CTNNA2: variants seen among roughly 807,000 people sequenced by gnomAD.
CTNNA2 encodes catenin alpha-2.
In CTNNA2, 42 loss-of-function variants were observed where a neutral mutation model predicts 101.0. The ratio of observed to expected loss-of-function variants is 0.42; its 90% CI spans 0.32 to 0.54. CTNNA2 has a LOEUF of 0.54. Ranked by LOEUF, CTNNA2 falls within the 20% of genes least tolerant of loss-of-function variation. CTNNA2 has a pLI of 0.14. For missense variants in CTNNA2, 871 were observed against 1,223.1 expected, an observed-to-expected ratio of 0.71 and a Z score of 4.29; for synonymous variants, 450 against 456.4, an observed-to-expected ratio of 0.99 and a Z score of 0.18.
rs2104243389 is a variant in CTNNA2, at chr2:79,233,904, C to T, written c.-406+35828C>T. Among the ~76,000 whole-genome samples, 2 of 150,980 alleles carry T rather than the reference C, an allele frequency of 1.3e-5. 1 individual carries two copies. On this transcript the variant is annotated intron_variant, in intron 2 of 21. Coordinates refer to the CTNNA2 transcript ENST00000466387. Reference sequence around the variant, plus strand: ...TTTTCTCTTTGCTTGGTAGATTATTCTCCGTTCCTTTACTTTGAGCCTGTG... The same window carrying T: ...TTTTCTCTTTGCTTGGTAGATTATTTTCCGTTCCTTTACTTTGAGCCTGTG...
chr2:80,047,468 A>C (rs962264507), intron 7 of CTNNA2, among the ~76,000 whole-genome samples: 2 of 152,164 alleles, frequency 1.3e-5, no homozygotes, highest in Admixed American at 6.5e-5. Context: ...TTCATCCCTT[A>C]TGATTCCTTA....
intron 1 of CTNNA2, among the ~76,000 whole-genome samples, chr2:79,518,788 C>G (rs1054289780): frequency 7.9e-5 from 12 of 152,166 alleles, no homozygotes; most frequent in Non-Finnish European, 1.3e-4. Context: ...TCAATTGTTT[C>G]CGGGAAAGGG....
chr2:79,993,137 TA>T (rs1213985894), intron 7 of CTNNA2, among the ~76,000 whole-genome samples: 1 of 152,246 alleles, frequency 6.6e-6, no homozygotes, highest in Non-Finnish European at 1.5e-5. Context: ...GGTTACTTCC[TA>T]ACTTCTACTT....
chr2:79,833,350 T>A (rs554179730), intron 3 of CTNNA2, among the ~76,000 whole-genome samples: 1 of 152,266 alleles, frequency 6.6e-6, no homozygotes, highest in South Asian at 2.1e-4. Context: ...AAGAACTCAA[T>A]GCCTTTTTTT....
intron 6 of CTNNA2, among the ~76,000 whole-genome samples, chr2:79,889,420 T>G (rs1441297516): frequency 6.6e-6 from 1 of 152,238 alleles, no homozygotes; most frequent in African/African-American, 2.4e-5. Flanking sequence ...TATGCACGTA[T>G]GATTAGCAGG....
intron 7 of CTNNA2, among the ~76,000 whole-genome samples, chr2:80,194,837 ATGTG>A (rs891686597): frequency 3.3e-5 from 5 of 150,656 alleles, no homozygotes; most frequent in Middle Eastern, 3.4e-3. Context: ...ACATTTATGT[ATGTG>A]TGTGTGTGTA....
chr2:79,872,214 C>G (rs1054498665), intron 5 of CTNNA2, among the ~76,000 whole-genome samples: 1 of 151,890 alleles, frequency 6.6e-6, no homozygotes, highest in African/African-American at 2.4e-5. Context: ...ATCACATACT[C>G]CAATATGAAT....
rs541018203 is a variant in CTNNA2, at chr2:79,504,967, T to A, written c.-134-87T>A. 6 of 152,276 alleles carry A rather than the reference T, an allele frequency of 3.9e-5. No homozygotes were observed. In the East Asian group the frequency reaches 1.2e-3, roughly 29 times the overall value. 9.4% of individuals were successfully genotyped at this position (152,276 alleles called of 1,614,324 possible). Reference sequence around the variant, plus strand: ...TTTCCAGCTGGTTTCTTAAGTTATATCCATAGGAGACACTGGGAGAAGACA... The same window carrying A: ...TTTCCAGCTGGTTTCTTAAGTTATAACCATAGGAGACACTGGGAGAAGACA... On this transcript the variant is annotated intron_variant, in intron 4 of 21. Coordinates refer to the CTNNA2 transcript ENST00000466387.
At chr2:79,410,210 A>G (rs1215990468) in intron 4 of CTNNA2, among the ~76,000 whole-genome samples, 1 of 145,784 alleles carries the variant, frequency 6.9e-6, no homozygotes, top group African/African-American at 2.6e-5. Context: ...GGCTGAGACA[A>G]TGGGGTTTTC....
chr2:80,350,751 C>T (rs986395304), intron 7 of CTNNA2, among the ~76,000 whole-genome samples: 16 of 152,134 alleles, frequency 1.1e-4, no homozygotes, highest in African/African-American at 3.9e-4. Context: ...ACTGCTTACC[C>T]ACCTCCAGTG....
intron 7 of CTNNA2, among the ~76,000 whole-genome samples, chr2:80,206,732 G>A (rs1442492464): frequency 1.3e-5 from 2 of 152,178 alleles, no homozygotes; most frequent in Non-Finnish European, 2.9e-5. Flanking sequence ...TTGAAAGTCT[G>A]TCACATTTGC....
chr2:80,063,910 C>T (rs750562963), intron 7 of CTNNA2, among the ~76,000 whole-genome samples: 1 of 152,134 alleles, frequency 6.6e-6, no homozygotes, highest in Non-Finnish European at 1.5e-5. Flanking sequence ...TCTGATGGCC[C>T]CCTGGGGATC....
At chr2:79,230,105 G>A (rs192172553) in intron 2 of CTNNA2, among the ~76,000 whole-genome samples, 77 of 152,290 alleles carry the variant, frequency 5.1e-4, no homozygotes, top group Non-Finnish European at 8.7e-4. Flanking sequence ...TTTTTCTAAG[G>A]AGAAATTTAA....
chr2:80,043,256 C>T lies in CTNNA2; in HGVS notation c.1056+133459C>T, dbSNP rs1224745352. On this transcript the variant is annotated intron_variant, in intron 7 of 18. Coordinates refer to ENST00000402739, the MANE Select transcript of CTNNA2 (RefSeq NM_001282597.3). Reference sequence around the variant, plus strand: ...TCTGTCACCCAGGCTGGAGTGCAGTCACGCGATCTTGGCTCACTGCAACCT... The same window carrying T: ...TCTGTCACCCAGGCTGGAGTGCAGTTACGCGATCTTGGCTCACTGCAACCT... Among the ~76,000 whole-genome samples, 4 of 141,098 alleles carry T rather than the reference C, an allele frequency of 2.8e-5. 1 individual carries two copies. The highest frequency in any genetic ancestry group is 1.1e-4 in the African/African-American group (4 of 37,934). The allele number at this position is 141,098 out of a possible 152,430, so 92.6% of individuals were successfully genotyped here.
chr2:79,377,317 C>A (rs1434744054), intron 4 of CTNNA2, among the ~76,000 whole-genome samples: 1 of 152,146 alleles, frequency 6.6e-6, no homozygotes, highest in Non-Finnish European at 1.5e-5. Context: ...TGTCTCCTAA[C>A]CTAGAAAGAC....
rs146991687 is a variant in CTNNA2 at position 79,538,613 on chromosome 2, T to A, written c.-6+25406T>A. Among the ~76,000 whole-genome samples the A allele has an allele frequency of 2.0e-5, 3 of 152,280 alleles. No homozygotes were observed. The East Asian group carries it at 5.8e-4, about 29-fold the overall frequency. ...GCAGGTAGGGCTGGAAATAGTAACA[T>A]TCTATGGGAATGGAGAGCATGACCC... is the stretch of plus-strand genomic sequence containing the variant. On this transcript the variant is annotated intron_variant, in intron 1 of 18. Transcript: ENST00000402739.
rs137885386 is a variant in CTNNA2, at chr2:80,346,305, C to T, written c.1057-46906C>T. 3.8e-3 allele frequency among the ~76,000 whole-genome samples: 573 copies of T among 152,204 alleles called. 4 individuals carry two copies. Among genetic ancestry groups the T allele is most frequent in the Non-Finnish European group, 6.8e-3 (463 of 68,016 alleles). The stretch of plus-strand genomic sequence containing the variant: ...TCTGGCCTCTGCTTCTGGGAAGGCC[C>T]CAGGAAGCTTTTACTCATGGTAGAA... On this transcript the variant is annotated intron_variant, in intron 7 of 18. Coordinates refer to ENST00000402739, the MANE Select transcript of CTNNA2 (RefSeq NM_001282597.3).
At chr2:80,123,086 C>T (rs541379475) in intron 7 of CTNNA2, among the ~76,000 whole-genome samples, 13 of 152,326 alleles carry the variant, frequency 8.5e-5, no homozygotes, top group African/African-American at 3.1e-4. Flanking sequence ...CTCCGGTCAT[C>T]TTTCACTTGT....
At chr2:79,692,208 A>G (rs1287559718) in intron 2 of CTNNA2, among the ~76,000 whole-genome samples, 1 of 152,160 alleles carries the variant, frequency 6.6e-6, no homozygotes, top group African/African-American at 2.4e-5. Flanking sequence ...AAGTGGGTGA[A>G]GGATATGAAC....
Sources: gnomAD v4.1 joint callset for allele counts (sites outside exome capture counted in the v4.1 genomes callset) on GRCh38, gnomAD v4.1.1 for gene constraint, MANE v1.5 for transcripts, NCBI Gene and HGNC (gene_info 2026-07-23, HGNC 2026-07-21) for gene names.